The following CCBE1 variants were observed in gnomAD, a reference collection of about 807,000 sequenced individuals.
CCBE1 encodes the protein collagen and calcium binding EGF domains 1, also known as collagen and calcium-binding EGF domain-containing protein 1.
In CCBE1, 37 loss-of-function variants were observed where a neutral mutation model predicts 50.0. That is an observed-to-expected ratio of 0.74 (90% CI 0.57 to 0.97). The LOEUF is 0.97. Ranked by LOEUF, CCBE1 falls within the 50% of genes least tolerant of loss-of-function variation. The probability of loss-of-function intolerance (pLI) is 0.00; values close to 1 mark genes in which losing one functional copy is unlikely to be tolerated. For synonymous variants in CCBE1, 234 were observed against 203.7 expected (o/e 1.15, Z -1.27); for missense variants, 538 against 523.8 (o/e 1.03, Z -0.26).
intron 2 of CCBE1, among the ~76,000 whole-genome samples, chr18:59,506,036 C>T (rs1225969539): frequency 6.6e-6 from 1 of 152,174 alleles, no homozygotes; most frequent in Non-Finnish European, 1.5e-5. Flanking sequence ...TTCACATATA[C>T]CCAGGAACCT....
In CCBE1 at chr18:59,443,931, T is replaced by C. The variant is rs563637590; in HGVS notation, c.775+4052A>G. Among the ~76,000 whole-genome samples the C allele has an allele frequency of 2.1e-3, 315 of 152,354 alleles. 2 individuals carry two copies. Among genetic ancestry groups the C allele is most frequent in the African/African-American group, 6.9e-3 (287 of 41,580 alleles). ...GCTCAGCCCCTGATAACAACCAGTC[T>C]ACTTTCTGTTTCTATGAGTTTAATT... On this transcript the variant is annotated intron_variant, in intron 7 of 10. Coordinates refer to ENST00000439986, the MANE Select transcript of CCBE1 (RefSeq NM_133459.4).
intron 2 of CCBE1, among the ~76,000 whole-genome samples, chr18:59,584,822 A>G (rs2053154288): frequency 6.6e-6 from 1 of 152,198 alleles, no homozygotes; most frequent in Non-Finnish European, 1.5e-5. Flanking sequence ...TCTTTTCTTT[A>G]TAAATTACCC....
intron 2 of CCBE1, among the ~76,000 whole-genome samples, chr18:59,561,933 T>C (rs934620757): frequency 6.6e-6 from 1 of 152,096 alleles, no homozygotes; most frequent in African/African-American, 2.4e-5. Context: ...TAATATCATG[T>C]TTTACCTGCC....
chr18:59,558,615 C>T (rs1407099180), intron 2 of CCBE1, among the ~76,000 whole-genome samples: 1 of 152,182 alleles, frequency 6.6e-6, no homozygotes, highest in Admixed American at 6.5e-5. Flanking sequence ...TACAGGGGCT[C>T]TTGGGGCTTG....
intron 2 of CCBE1, among the ~76,000 whole-genome samples, chr18:59,619,722 A>C (rs886876660): frequency 6.6e-6 from 1 of 152,154 alleles, no homozygotes. Context: ...TTTTCTTCCA[A>C]ATCTCATTGG....
At chr18:59,493,336 G>A (rs189936982) in intron 2 of CCBE1, among the ~76,000 whole-genome samples, 3 of 152,268 alleles carry the variant, frequency 2.0e-5, no homozygotes, top group South Asian at 2.1e-4. Flanking sequence ...ATGTAACACC[G>A]AAAGTAGGAT....
intron 2 of CCBE1, among the ~76,000 whole-genome samples, chr18:59,488,758 C>G (rs1478007201): frequency 6.6e-6 from 1 of 152,180 alleles, no homozygotes; most frequent in African/African-American, 2.4e-5. Context: ...CTATCCACTC[C>G]ACAAGCTTGG....
intron 2 of CCBE1, among the ~76,000 whole-genome samples, chr18:59,494,872 G>GGCC (rs1568170282): frequency 1.8e-4 from 28 of 152,176 alleles, no homozygotes; most frequent in African/African-American, 6.5e-4. Flanking sequence ...CCCAGGGAGG[G>GGCC]ACCAGGTGCT....
chr18:59,522,720 T>G (rs994444483), intron 2 of CCBE1, among the ~76,000 whole-genome samples: 1 of 152,152 alleles, frequency 6.6e-6, no homozygotes, highest in Non-Finnish European at 1.5e-5. Context: ...CCGGGCGCAG[T>G]GGCTCACGCC....
At chr18:59,516,078 C>T (rs1914356775) in intron 2 of CCBE1, among the ~76,000 whole-genome samples, 2 of 152,146 alleles carry the variant, frequency 1.3e-5, no homozygotes, top group South Asian at 4.1e-4. Flanking sequence ...TTTGCTCCAG[C>T]CTCCTGAATA....
chr18:59,455,029 C>T lies in CCBE1; in HGVS notation c.554-78G>A, dbSNP rs567826649. 6.6e-4 allele frequency: 760 copies of T among 1,151,206 alleles called. 1 individual carries two copies. Among genetic ancestry groups the T allele is most frequent in the Non-Finnish European group, 8.3e-5 (64 of 767,908 alleles). 71.3% of individuals were successfully genotyped at this position (1,151,206 alleles called of 1,614,324 possible). A position where few individuals can be genotyped will look rare whatever the true frequency, so the allele number is the denominator to read the frequency against. On this transcript the variant is annotated intron_variant, in intron 5 of 10. Transcript: ENST00000439986. The stretch of plus-strand genomic sequence containing the variant: ...CCCAGAGAGACAGCATCGGGAAGGG[C>T]GGTCCCAGGGACAGAGTAGCTGACA...
At chr18:59,520,945 T>C (rs747133221) in intron 2 of CCBE1, among the ~76,000 whole-genome samples, 6 of 152,226 alleles carry the variant, frequency 3.9e-5, no homozygotes, top group Non-Finnish European at 7.3e-5. Context: ...AAAAAGTTAA[T>C]ACATTTTTGT....
chr18:59,664,238 T>G (rs2054322674), intron 2 of CCBE1, among the ~76,000 whole-genome samples: 1 of 152,036 alleles, frequency 6.6e-6, no homozygotes, highest in South Asian at 2.1e-4. Flanking sequence ...CCTAATCACC[T>G]CCCACAGACC....
chr18:59,474,610 C>CT (rs1158447800), intron 3 of CCBE1, among the ~76,000 whole-genome samples: 1 of 152,202 alleles, frequency 6.6e-6, no homozygotes, highest in Non-Finnish European at 1.5e-5. Flanking sequence ...TTTCAGCTGA[C>CT]TGGTCTCCTT....
intron 2 of CCBE1, among the ~76,000 whole-genome samples, chr18:59,519,165 G>A (rs1427710068): frequency 6.6e-6 from 1 of 152,124 alleles, no homozygotes; most frequent in African/African-American, 2.4e-5. Flanking sequence ...CTGAGAGCAG[G>A]CCAGTGGCAG....
chr18:59,569,763 T>C (rs563983712), intron 2 of CCBE1, among the ~76,000 whole-genome samples: 1 of 152,162 alleles, frequency 6.6e-6, no homozygotes, highest in East Asian at 1.9e-4. Context: ...GTCTCCTAAG[T>C]AGCTGAGATT....
At chr18:59,540,465 T>C (rs1251542070) in intron 2 of CCBE1, among the ~76,000 whole-genome samples, 1 of 152,174 alleles carries the variant, frequency 6.6e-6, no homozygotes, top group Non-Finnish European at 1.5e-5. Context: ...TGGCCAACCT[T>C]GGTATGAAGT....
chr18:59,564,015 CTGCATAAGGG>C (rs1323752746), intron 2 of CCBE1: 6 of 152,258 alleles, frequency 3.9e-5, no homozygotes, highest in Admixed American at 3.9e-4. Flanking sequence ...TTCCAGAAGG[CTGCATAAGGG>C]AGGTGTGTGA....
chr18:59,646,606 T>G (rs1353261008), intron 2 of CCBE1, among the ~76,000 whole-genome samples: 1 of 152,196 alleles, frequency 6.6e-6, no homozygotes, highest in Non-Finnish European at 1.5e-5. Flanking sequence ...CAGAATTTCG[T>G]GTGTATGTGA....
Sources: gnomAD v4.1 joint callset for allele counts (sites outside exome capture counted in the v4.1 genomes callset) on GRCh38, gnomAD v4.1.1 for gene constraint, MANE v1.5 for transcripts, NCBI Gene and HGNC (gene_info 2026-07-23, HGNC 2026-07-21) for gene names.